ITSN1: variants seen among roughly 807,000 people sequenced by gnomAD.
ITSN1 encodes intersectin-1.
Under a neutral mutation model 239.8 loss-of-function variants are expected in ITSN1, and 58 were observed. The ratio of observed to expected loss-of-function variants is 0.24; its 90% CI spans 0.20 to 0.30. ITSN1 has a LOEUF of 0.30. Among genes scored for constraint, ITSN1 ranks in the 10% least tolerant of loss-of-function variants. The pLI, the probability that ITSN1 is intolerant of heterozygous loss-of-function variation, is 1.00. For missense variants in ITSN1, 1,558 were observed against 2,103.3 expected (o/e 0.74, Z 5.07); for synonymous variants, 780 against 770.8 (o/e 1.01, Z -0.20).
intron 1 of ITSN1, among the ~76,000 whole-genome samples, chr21:33,671,116 C>T (rs1310617122): frequency 3.3e-5 from 5 of 152,174 alleles, no homozygotes; most frequent in Admixed American, 2.0e-4. Context: ...TGGGACAATT[C>T]CTCATATGGG....
chr21:33,789,812 G>C (rs972600148), intron 16 of ITSN1, among the ~76,000 whole-genome samples: 7 of 152,110 alleles, frequency 4.6e-5, no homozygotes, highest in African/African-American at 1.7e-4. Context: ...CAGTAAACCT[G>C]AGCCACATTT....
chr21:33,853,666 A>C (rs1978755344), intron 29 of ITSN1, among the ~76,000 whole-genome samples: 1 of 152,160 alleles, frequency 6.6e-6, no homozygotes, highest in African/African-American at 2.4e-5. Context: ...GTCAGTTTCA[A>C]GTAACACTAG....
chr21:33,880,995 T>C (rs1368471045), intron 34 of ITSN1, among the ~76,000 whole-genome samples: 4 of 151,978 alleles, frequency 2.6e-5, no homozygotes, highest in Non-Finnish European at 5.9e-5. Flanking sequence ...ACCGTGTCTC[T>C]AAGGGTCAGT....
At chr21:33,761,214 C>T (rs1489131253) in intron 8 of ITSN1, among the ~76,000 whole-genome samples, 1 of 151,886 alleles carries the variant, frequency 6.6e-6, no homozygotes, top group Non-Finnish European at 1.5e-5. Context: ...TAACTGTGAC[C>T]ACAGGCTCAT....
intron 17 of ITSN1, 141 bp downstream of exon 17, chr21:33,794,609 A>G: frequency 4.3e-6 from 5 of 1,154,936 alleles, no homozygotes; most frequent in Non-Finnish European, 4.9e-6. Flanking sequence ...TGCAAACACA[A>G]ACACGTGTAT....
intron 8 of ITSN1, among the ~76,000 whole-genome samples, chr21:33,761,681 T>C (rs563461946): frequency 6.6e-6 from 1 of 152,376 alleles, no homozygotes; most frequent in Admixed American, 6.5e-5. Context: ...ATGGTCATTC[T>C]TTATCAAACA....
At chr21:33,868,183 C>T (rs1213001441) in intron 33 of ITSN1, among the ~76,000 whole-genome samples, 5 of 152,264 alleles carry the variant, frequency 3.3e-5, no homozygotes, top group South Asian at 4.1e-4. Flanking sequence ...CTGATTGGTG[C>T]CTTTACAATC....
intron 1 of ITSN1, among the ~76,000 whole-genome samples, chr21:33,677,820 C>T (rs142820268): frequency 6.6e-6 from 1 of 152,282 alleles, no homozygotes; most frequent in Non-Finnish European, 1.5e-5. Flanking sequence ...ACTTTCTGTC[C>T]AGAATATATC....
intron 10 of ITSN1, among the ~76,000 whole-genome samples, chr21:33,766,984 A>G (rs2068765168): frequency 6.7e-6 from 1 of 148,312 alleles, no homozygotes; most frequent in Admixed American, 6.7e-5. Context: ...CCTGGCCAAC[A>G]TGGTGAAACC....
At chr21:33,745,202 C>T (rs909856350) in intron 5 of ITSN1, among the ~76,000 whole-genome samples, 1 of 152,188 alleles carries the variant, frequency 6.6e-6, no homozygotes, top group Admixed American at 6.5e-5. Context: ...TTGGATGTAG[C>T]TGCGTATTTG....
intron 1 of ITSN1, among the ~76,000 whole-genome samples, chr21:33,674,696 TAGG>T (rs949009797): frequency 2.6e-5 from 4 of 152,188 alleles, no homozygotes; most frequent in Non-Finnish European, 5.9e-5. Context: ...AAAATTAAGA[TAGG>T]AGAAGAGATT....
At chr21:33,836,730 T>A in intron 29 of ITSN1, 98 bp downstream of exon 29, 1 of 1,037,538 alleles carries the variant, frequency 9.6e-7, no homozygotes, top group Non-Finnish European at 1.4e-6. Flanking sequence ...TTGCAGAACT[T>A]AAAGCTAGAC....
intron 10 of ITSN1, among the ~76,000 whole-genome samples, chr21:33,767,317 A>G (rs912445791): frequency 4.6e-5 from 7 of 152,168 alleles, no homozygotes; most frequent in Non-Finnish European, 1.0e-4. Flanking sequence ...TGGGAAAGGG[A>G]AGAGAGATGC....
At chr21:33,849,314 C>T (rs954746532) in intron 29 of ITSN1, among the ~76,000 whole-genome samples, 9 of 151,500 alleles carry the variant, frequency 5.9e-5, no homozygotes, top group Non-Finnish European at 1.2e-4. Context: ...GCCTGTAATC[C>T]CAACACTTTG....
At chr21:33,816,294 C>T (rs1336888860) in intron 22 of ITSN1, among the ~76,000 whole-genome samples, 1 of 152,114 alleles carries the variant, frequency 6.6e-6, no homozygotes, top group Non-Finnish European at 1.5e-5. Context: ...CAGCTTGGGA[C>T]TAGGAATAAT....
chr21:33,874,131 G>A (rs1602673547), intron 33 of ITSN1, among the ~76,000 whole-genome samples: 1 of 148,128 alleles, frequency 6.8e-6, no homozygotes, highest in African/African-American at 2.5e-5. Flanking sequence ...ATTCCAGCCT[G>A]GGCAACAAGA....
intron 25 of ITSN1, 90 bp from the exon 26 acceptor site, chr21:33,826,728 C>A: frequency 8.6e-7 from 1 of 1,158,264 alleles, no homozygotes; most frequent in Non-Finnish European, 1.3e-6. Context: ...GGCTTTGGGG[C>A]TCAAGCGGGT....
chr21:33,806,670 G>A lies in ITSN1; in HGVS notation c.2319+4226G>A, dbSNP rs966245625. 5.3e-5 allele frequency among the ~76,000 whole-genome samples: 8 copies of A among 152,222 alleles called. No individual in the cohort carries two copies. In the South Asian group the frequency reaches 1.7e-3, roughly 32 times the overall value. ...CCCAGAAATGTGAGCAATATCTGGT[G>A]TTTGTACTTCGCTTAAATGATGTTT... On this transcript the variant is annotated intron_variant, in intron 20 of 39. Coordinates refer to ENST00000381318, the MANE Select transcript of ITSN1 (RefSeq NM_003024.3).
At chr21:33,727,607 C>CAAAA (rs201596116) in intron 4 of ITSN1, among the ~76,000 whole-genome samples, 4 of 69,754 alleles carry the variant, frequency 5.7e-5, no homozygotes, top group African/African-American at 1.8e-4. Context: ...TAAACTCATA[C>CAAAA]AAAAAAAAAA....
Sources: allele counts gnomAD v4.1 joint callset (sites outside exome capture counted in the v4.1 genomes callset), GRCh38; gene constraint gnomAD v4.1.1; transcripts MANE v1.5; gene names NCBI Gene and HGNC (gene_info 2026-07-23, HGNC 2026-07-21).